The following AGBL4 variants were observed in gnomAD, a reference collection of about 807,000 sequenced individuals.
AGBL4 encodes cytosolic carboxypeptidase 6.
AGBL4 carries 58 observed loss-of-function variants against 66.4 expected under a neutral mutation model. That is an observed-to-expected ratio of 0.87 (90% CI 0.71 to 1.09). AGBL4 has a LOEUF of 1.09. Ranked by LOEUF, AGBL4 falls within the 50% of genes least tolerant of loss-of-function variation. The pLI is 0.00. For synonymous variants in AGBL4, 234 were observed against 222.9 expected (o/e 1.05, Z -0.44); for missense variants, 579 against 631.0 (o/e 0.92, Z 0.88).
At chr1:48,839,702 A>C (rs1646756224) in intron 6 of AGBL4, among the ~76,000 whole-genome samples, 2 of 152,152 alleles carry the variant, frequency 1.3e-5, no homozygotes, top group South Asian at 4.1e-4. Flanking sequence ...CATACGGGCA[A>C]ATTGAAGCCC....
chr1:49,789,658 CA>C (rs1644545781), intron 2 of AGBL4, among the ~76,000 whole-genome samples: 1 of 152,116 alleles, frequency 6.6e-6, no homozygotes, highest in Non-Finnish European at 1.5e-5. Context: ...AGGAGAACTA[CA>C]AACCACTGCT....
intron 1 of AGBL4, among the ~76,000 whole-genome samples, chr1:49,899,264 T>A (rs758926115): frequency 3.3e-5 from 5 of 151,544 alleles, no homozygotes; most frequent in Non-Finnish European, 5.9e-5. Context: ...CTACTATGTG[T>A]CCACAAAAAT....
intron 11 of AGBL4, among the ~76,000 whole-genome samples, chr1:48,541,773 A>G (rs192501070): frequency 6.5e-4 from 99 of 152,328 alleles, no homozygotes; most frequent in Admixed American, 2.0e-3. Context: ...CCATCTCCAG[A>G]AAAAAATAAA....
intron 8 of AGBL4, among the ~76,000 whole-genome samples, chr1:48,642,098 T>A (rs1645765515): frequency 6.6e-6 from 1 of 152,126 alleles, no homozygotes; most frequent in African/African-American, 2.4e-5. Flanking sequence ...AGCAGAGTCA[T>A]AGCCCATAGC....
chr1:48,874,890 T>C lies in AGBL4; in HGVS notation c.595-7660A>G, dbSNP rs568669556. 5.3e-5 allele frequency among the ~76,000 whole-genome samples: 8 copies of C among 152,296 alleles called. No homozygotes were observed. In the South Asian group the frequency reaches 1.7e-3, roughly 32 times the overall value. On this transcript the variant is annotated intron_variant, in intron 5 of 13. Coordinates refer to ENST00000371839, the MANE Select transcript of AGBL4 (RefSeq NM_032785.4). ...TTCTGTGCACCACCACCTTACCTGC[T>C]TCCAACCTTGGCTCCTGCCCTTGAC...
intron 5 of AGBL4, among the ~76,000 whole-genome samples, chr1:49,039,289 C>A (rs2149046970): frequency 6.6e-6 from 1 of 152,102 alleles, no homozygotes; most frequent in Middle Eastern, 3.4e-3. Flanking sequence ...TGTCCACACC[C>A]ATAGAATGTA....
chr1:48,688,354 T>G (rs1646567509), intron 6 of AGBL4, among the ~76,000 whole-genome samples: 1 of 152,210 alleles, frequency 6.6e-6, no homozygotes, highest in Admixed American at 6.5e-5. Context: ...GCGCTCCTCC[T>G]TCCTGCTTCC....
chr1:48,702,392 A>G (rs1646816216), intron 6 of AGBL4, among the ~76,000 whole-genome samples: 1 of 152,056 alleles, frequency 6.6e-6, no homozygotes, highest in Admixed American at 6.6e-5. Context: ...CCCAGGCTCA[A>G]GCAATTCTCC....
At position 49,576,881 on chromosome 1, in the gene AGBL4, C is replaced by T. The variant is rs376680740; in HGVS notation, c.282+120432G>A. Among the ~76,000 whole-genome samples, 5 of 152,176 alleles carry T rather than the reference C, an allele frequency of 3.3e-5. No individual in the cohort carries two copies. In the East Asian group the frequency reaches 7.7e-4, roughly 24 times the overall value. ...TATGTAGAAACCACCTGAAACTGGACAGCTGCAGCACTACAGCCCCTTTCT... is the reference window on the plus strand; with the variant it reads ...TATGTAGAAACCACCTGAAACTGGATAGCTGCAGCACTACAGCCCCTTTCT... On this transcript the variant is annotated intron_variant, in intron 3 of 13. Coordinates refer to ENST00000371839, the MANE Select transcript of AGBL4 (RefSeq NM_032785.4).
chr1:48,557,042 G>C (rs1644331297), intron 11 of AGBL4, among the ~76,000 whole-genome samples: 1 of 151,996 alleles, frequency 6.6e-6, no homozygotes, highest in Non-Finnish European at 1.5e-5. Context: ...CTCCTACCTC[G>C]GCCTTTCAAA....
At chr1:50,014,923 C>G (rs1661864727) in intron 1 of AGBL4, among the ~76,000 whole-genome samples, 1 of 152,136 alleles carries the variant, frequency 6.6e-6, no homozygotes, top group South Asian at 2.1e-4. Flanking sequence ...AGGAAGAATT[C>G]ATTGGTTTTT....
At chr1:48,565,865 T>C (rs1644468724) in intron 11 of AGBL4, among the ~76,000 whole-genome samples, 1 of 152,206 alleles carries the variant, frequency 6.6e-6, no homozygotes, top group South Asian at 2.1e-4. Context: ...TCCTGCAACT[T>C]CACTGAGAAG....
chr1:48,783,362 G>T (rs1645341048), intron 6 of AGBL4, among the ~76,000 whole-genome samples: 1 of 152,132 alleles, frequency 6.6e-6, no homozygotes, highest in Non-Finnish European at 1.5e-5. Flanking sequence ...CAGGGGAAGA[G>T]AATAGCAATG....
At chr1:49,995,151 G>C (rs778462375) in intron 1 of AGBL4, 3 of 456,214 alleles carry the variant, frequency 6.6e-6, no homozygotes, top group South Asian at 4.6e-5. Context: ...TCTGGGAAAG[G>C]GGTGACCCAG....
intron 1 of AGBL4, among the ~76,000 whole-genome samples, chr1:49,887,609 T>C (rs1369061212): frequency 1.3e-5 from 2 of 152,100 alleles, no homozygotes; most frequent in African/African-American, 4.8e-5. Flanking sequence ...CTTTGTACAA[T>C]AGAAAGACCC....
At chr1:49,128,208 T>G (rs1645805781) in intron 4 of AGBL4, among the ~76,000 whole-genome samples, 1 of 151,962 alleles carries the variant, frequency 6.6e-6, no homozygotes, top group Admixed American at 6.6e-5. Flanking sequence ...TAATCTCAGA[T>G]TAGACACTGC....
At chr1:49,563,887 C>A (rs1428395061) in intron 3 of AGBL4, among the ~76,000 whole-genome samples, 2 of 152,122 alleles carry the variant, frequency 1.3e-5, no homozygotes, top group Non-Finnish European at 2.9e-5. Flanking sequence ...AGGAATGGTA[C>A]CAGCTCCTCC....
intron 3 of AGBL4, among the ~76,000 whole-genome samples, chr1:49,692,466 C>T (rs975745793): frequency 6.6e-6 from 1 of 152,070 alleles, no homozygotes; most frequent in African/African-American, 2.4e-5. Flanking sequence ...CGCCTGTAAT[C>T]CCAGCACTTT....
chr1:50,017,975 A>G (rs1662118302), intron 1 of AGBL4, among the ~76,000 whole-genome samples: 1 of 152,220 alleles, frequency 6.6e-6, no homozygotes, highest in Admixed American at 6.5e-5. Context: ...TTCTTCCACA[A>G]AGCCAAGACA....
Sources: gnomAD v4.1 joint callset for allele counts (sites outside exome capture counted in the v4.1 genomes callset) on GRCh38, gnomAD v4.1.1 for gene constraint, MANE v1.5 for transcripts, NCBI Gene and HGNC (gene_info 2026-07-23, HGNC 2026-07-21) for gene names.